The following TRAPPC9 variants were observed in gnomAD, a reference collection of about 807,000 sequenced individuals.
The protein encoded by TRAPPC9 is trafficking protein particle complex subunit 9.
TRAPPC9 carries 83 observed loss-of-function variants against 124.0 expected under a neutral mutation model. That is an observed-to-expected ratio of 0.67 (90% CI 0.56 to 0.80). TRAPPC9 has a LOEUF of 0.80. TRAPPC9 is among the 30% of genes least tolerant of loss of function. The pLI is 0.00. For synonymous variants in TRAPPC9, 638 were observed against 617.5 expected, an observed-to-expected ratio of 1.03 and a Z score of -0.49; for missense variants, 1,302 against 1,508.3, an observed-to-expected ratio of 0.86 and a Z score of 2.27.
chr8:140,364,729 T>C (rs2068058986), intron 8 of TRAPPC9, among the ~76,000 whole-genome samples: 1 of 151,954 alleles, frequency 6.6e-6, no homozygotes, highest in Admixed American at 6.5e-5. Flanking sequence ...ATTACAGGCA[T>C]GCGCCACTAC....
chr8:139,979,715 G>A (rs1046624777), intron 19 of TRAPPC9, among the ~76,000 whole-genome samples: 3 of 152,154 alleles, frequency 2.0e-5, no homozygotes, highest in Admixed American at 6.5e-5. Context: ...TGTCGAGGAG[G>A]ACAGGACAGC....
intron 17 of TRAPPC9, among the ~76,000 whole-genome samples, chr8:140,027,995 G>C (rs1400196572): frequency 6.6e-6 from 1 of 152,114 alleles, no homozygotes; most frequent in Non-Finnish European, 1.5e-5. Flanking sequence ...GATGAGATTT[G>C]GGTGGGGACA....
In TRAPPC9 at chr8:140,216,476, G is replaced by GA. The variant is rs1437501876; in HGVS notation, c.2556+4982dup. ...GTAAGAGCCTATCCTGTGAGACACA[G>GA]AAAAAATCCTCTTCTTGTCTAACAG... On this transcript the variant is annotated intron_variant, in intron 17 of 22. Coordinates refer to ENST00000438773, the MANE Select transcript of TRAPPC9 (RefSeq NM_001160372.4). This position sits in a 1 kb window ranked among gnomAD's most constrained non-coding sequence, Gnocchi z 4.1. Among the ~76,000 whole-genome samples, 5 of 152,190 alleles carry GA rather than the reference G, an allele frequency of 3.3e-5. No homozygotes were observed. The highest frequency in any genetic ancestry group is 3.3e-4 in the Admixed American group (5 of 15,288).
chr8:140,348,883 C>A (rs1196805968), intron 9 of TRAPPC9, among the ~76,000 whole-genome samples: 2 of 152,086 alleles, frequency 1.3e-5, no homozygotes, highest in Non-Finnish European at 2.9e-5. Context: ...GACGCAAGCG[C>A]CCAGCACACG....
chr8:139,835,024 G>A (rs1563850190), intron 21 of TRAPPC9, among the ~76,000 whole-genome samples: 1 of 152,210 alleles, frequency 6.6e-6, no homozygotes, highest in African/African-American at 2.4e-5. Flanking sequence ...TGCCAAAGGT[G>A]AAGATTTCAA....
At chr8:139,888,905 C>A (rs1438524135) in intron 20 of TRAPPC9, among the ~76,000 whole-genome samples, 1 of 152,194 alleles carries the variant, frequency 6.6e-6, no homozygotes, top group Admixed American at 6.5e-5. Flanking sequence ...AACAGACAGT[C>A]TTTTCAGAAC....
intron 21 of TRAPPC9, among the ~76,000 whole-genome samples, chr8:139,748,405 G>T (rs1819090154): frequency 1.6e-5 from 2 of 122,166 alleles, no homozygotes; most frequent in Admixed American, 1.7e-4. Flanking sequence ...GAGCAGGTGT[G>T]GGGGCTGTGC....
chr8:139,984,492 G>T lies in TRAPPC9; in HGVS notation c.2810+4234C>A, dbSNP rs1351181649. Among the ~76,000 whole-genome samples the T allele has an allele frequency of 6.6e-6, 1 of 152,170 alleles. No individual in the cohort carries two copies. Among genetic ancestry groups the T allele is most frequent in the Non-Finnish European group, 1.5e-5 (1 of 68,020 alleles). On this transcript the variant is annotated intron_variant, in intron 19 of 22. Transcript: ENST00000438773. The surrounding 1 kb of genome is among the most constrained non-coding windows in gnomAD (Gnocchi z 4.3). ...TGGTGGCAGGGGTGCCTCCTCGTAG[G>T]GGAACGGGAGAGCCAGGAGAGAGGT... is the stretch of plus-strand genomic sequence containing the variant.
chr8:140,290,996 G>A lies in TRAPPC9; in HGVS notation c.1851C>T (p.Asn617=), dbSNP rs1463986128. 5.0e-6 allele frequency: 8 copies of A among 1,613,842 alleles called. No homozygotes were observed. The highest frequency in any genetic ancestry group is 6.8e-6 in the Non-Finnish European group (8 of 1,179,836). Reference sequence around the variant, plus strand: ...TCAAATGATTGGTGATACATACCATGTTTTCAACTCGAAGTTCAAACGGCA... The same window carrying A: ...TCAAATGATTGGTGATACATACCATATTTTCAACTCGAAGTTCAAACGGCA... ...NPMPFELRVE[N]MGLLTSGVEF... The change falls in exon 12 of 23, where the codon AAC becomes AAT. Residue 617 remains asparagine, a synonymous_variant. Coordinates refer to ENST00000438773, the MANE Select transcript of TRAPPC9 (RefSeq NM_001160372.4).
intron 17 of TRAPPC9, among the ~76,000 whole-genome samples, chr8:140,174,385 TA>T (rs11428278): frequency 6.6e-6 from 1 of 151,742 alleles, no homozygotes; most frequent in South Asian, 2.1e-4. Context: ...ACGTAAAAGT[TA>T]AAAAATAAAA....
At chr8:139,872,436 ATGGGTTGGTGGGTAGACGGTTGCATAAG>A (rs1426201934) in intron 21 of TRAPPC9, among the ~76,000 whole-genome samples, 14 of 115,112 alleles carry the variant, frequency 1.2e-4, no homozygotes, top group African/African-American at 5.2e-4. Flanking sequence ...GGGCTGGTGG[ATGGGTTGGTGGGTAGACGGTTGCATAAG>A]TGGATGGACG....
chr8:139,874,186 A>G (rs1039774299), intron 21 of TRAPPC9, among the ~76,000 whole-genome samples: 1 of 152,266 alleles, frequency 6.6e-6, no homozygotes. Flanking sequence ...TGAAACATTA[A>G]TAAGCGATAA....
At chr8:140,351,258 C>G (rs955376406) in intron 9 of TRAPPC9, among the ~76,000 whole-genome samples, 1 of 149,930 alleles carries the variant, frequency 6.7e-6, no homozygotes, top group African/African-American at 2.4e-5. Context: ...CCCCTAGAGA[C>G]AAAGACGGCC....
chr8:140,066,737 T>C (rs761525086), intron 17 of TRAPPC9, among the ~76,000 whole-genome samples: 3 of 152,162 alleles, frequency 2.0e-5, no homozygotes, highest in Non-Finnish European at 4.4e-5. Flanking sequence ...TGGAAAACTA[T>C]TGTGTTTAAA....
chr8:139,854,333 T>C (rs1827672571), intron 21 of TRAPPC9, among the ~76,000 whole-genome samples: 1 of 151,830 alleles, frequency 6.6e-6, no homozygotes, highest in Non-Finnish European at 1.5e-5. Flanking sequence ...TCACAGACGC[T>C]GCCATGAATG....
intron 21 of TRAPPC9, among the ~76,000 whole-genome samples, chr8:139,813,471 G>A (rs959006577): frequency 4.6e-5 from 7 of 152,220 alleles, no homozygotes; most frequent in Non-Finnish European, 8.8e-5. Flanking sequence ...GGCAGATGCC[G>A]CAGGAATGAG....
chr8:139,763,655 T>G (rs985362547), intron 21 of TRAPPC9, among the ~76,000 whole-genome samples: 1 of 151,870 alleles, frequency 6.6e-6, no homozygotes, highest in Non-Finnish European at 1.5e-5. Flanking sequence ...CACAGGCACA[T>G]GCACACACAT....
intron 7 of TRAPPC9, among the ~76,000 whole-genome samples, chr8:140,378,304 T>C (rs1475517270): frequency 6.6e-6 from 1 of 152,172 alleles, no homozygotes; most frequent in Non-Finnish European, 1.5e-5. Context: ...AGATTAACAT[T>C]TGACTCGGTG....
At chr8:140,206,035 T>C (rs1363905991) in intron 17 of TRAPPC9, among the ~76,000 whole-genome samples, 1 of 152,208 alleles carries the variant, frequency 6.6e-6, no homozygotes, top group East Asian at 1.9e-4. Context: ...GTTTTGAGGC[T>C]GAAAAGGATG....
Sources: gnomAD v4.1 joint callset for allele counts (sites outside exome capture counted in the v4.1 genomes callset) on GRCh38, gnomAD v4.1.1 for gene constraint, Gnocchi (gnomAD v3.1) non-coding constraint, MANE v1.5 for transcripts, NCBI Gene and HGNC (gene_info 2026-07-23, HGNC 2026-07-21) for gene names.